ADAMTS20: variants seen among roughly 807,000 people sequenced by gnomAD.
ADAMTS20 encodes ADAM metallopeptidase with thrombospondin type 1 motif 20, also known as A disintegrin and metalloproteinase with thrombospondin motifs 20.
Under a neutral mutation model 260.1 loss-of-function variants are expected in ADAMTS20, and 225 were observed. That is an observed-to-expected ratio of 0.87 (90% CI 0.78 to 0.97). The LOEUF is 0.97. ADAMTS20 is among the 50% of genes least tolerant of loss of function. The pLI, the probability that ADAMTS20 is intolerant of heterozygous loss-of-function variation, is 0.00. For synonymous variants in ADAMTS20, 802 were observed against 769.5 expected, an observed-to-expected ratio of 1.04 and a Z score of -0.70; for missense variants, 2,400 against 2,337.7, an observed-to-expected ratio of 1.03 and a Z score of -0.55.
intron 29 of ADAMTS20, among the ~76,000 whole-genome samples, chr12:43,390,596 A>T (rs1006437159): frequency 3.3e-5 from 5 of 152,146 alleles, no homozygotes; most frequent in African/African-American, 4.8e-5. Flanking sequence ...TCCACAAAAC[A>T]CTGGAACATG....
intron 18 of ADAMTS20, among the ~76,000 whole-genome samples, chr12:43,437,063 G>A (rs1005292110): frequency 6.6e-6 from 1 of 152,030 alleles, no homozygotes; most frequent in African/African-American, 2.4e-5. Flanking sequence ...GACATTCTAG[G>A]AAAGCCTCTA....
chr12:43,501,052 A>ATTTT (rs1210649487), intron 4 of ADAMTS20, among the ~76,000 whole-genome samples: 1 of 60,258 alleles, frequency 1.7e-5, no homozygotes. Context: ...TGGCTATGTA[A>ATTTT]TTCTTTTTTT....
chr12:43,526,350 C>T (rs929536487), intron 3 of ADAMTS20, among the ~76,000 whole-genome samples: 2 of 151,928 alleles, frequency 1.3e-5, no homozygotes, highest in Admixed American at 6.6e-5. Flanking sequence ...CCCAGCTACT[C>T]GGGAGGCTGA....
At position 43,415,098 on chromosome 12, in the gene ADAMTS20, A is replaced by G. The variant is rs112894938; in HGVS notation, c.4284+10416T>C. Among the ~76,000 whole-genome samples, 6 of 152,320 alleles carry G rather than the reference A, an allele frequency of 3.9e-5. 1 individual carries two copies. Among genetic ancestry groups the G allele is most frequent in the African/African-American group, 1.2e-4 (5 of 41,574 alleles). ...AACGTAAATGAGTCTCAAGTACAGT[A>G]TCCTAACTGTCACAAATTTTCTAAG... On this transcript the variant is annotated intron_variant, in intron 28 of 38. Coordinates refer to ENST00000389420, the MANE Select transcript of ADAMTS20 (RefSeq NM_025003.5).
intron 28 of ADAMTS20, among the ~76,000 whole-genome samples, chr12:43,412,454 G>A (rs761200132): frequency 6.6e-6 from 1 of 152,182 alleles, no homozygotes; most frequent in South Asian, 2.1e-4. Flanking sequence ...AAATAACCTT[G>A]AAAGGAAAGC....
rs572409221 is a variant in ADAMTS20 at position 43,532,193 on chromosome 12, C to T, written c.456G>A (p.Thr152=). The change falls in exon 3 of 39, where the codon ACG becomes ACA. Residue 152 remains threonine, a splice_region_variant and synonymous_variant. Coordinates refer to ENST00000389420, the MANE Select transcript of ADAMTS20 (RefSeq NM_025003.5). Reference sequence around the variant, plus strand: ...CACCGTTCTGTCCTTTAAATGTTCCCGTCTGAAAATAAAGGAAACAAAAAT... The same window carrying T: ...CACCGTTCTGTCCTTTAAATGTTCCTGTCTGAAAATAAAGGAAACAAAAAT... The part of the protein sequence containing the change: ...KAVVSLCGGL[T]GTFKGQNGEY... 7 of 1,589,880 alleles carry T rather than the reference C, an allele frequency of 4.4e-6. No homozygotes were observed. The highest frequency in any genetic ancestry group is 3.4e-5 in the South Asian group (3 of 87,214).
chr12:43,364,471 G>C (rs1013418455), intron 37 of ADAMTS20, among the ~76,000 whole-genome samples: 5 of 152,084 alleles, frequency 3.3e-5, no homozygotes, highest in Non-Finnish European at 7.4e-5. Flanking sequence ...AAAAGTAAAA[G>C]GAGGTATGAT....
chr12:43,383,747 A>G lies in ADAMTS20; in HGVS notation c.4627-19T>C, dbSNP rs760193652. 3 of 1,613,690 alleles carry G rather than the reference A, an allele frequency of 1.9e-6. No individual in the cohort carries two copies. In the East Asian group the frequency reaches 6.7e-5, roughly 36 times the overall value. On this transcript the variant is annotated intron_variant, in intron 30 of 38. Transcript: ENST00000389420. ...TTGAACACTAGAAATGCAATAACCA[A>G]ATGAATAACACATTCTTATATGCAG...
At chr12:43,426,936 A>G (rs1362954087) in intron 27 of ADAMTS20, among the ~76,000 whole-genome samples, 1 of 152,170 alleles carries the variant, frequency 6.6e-6, no homozygotes, top group East Asian at 1.9e-4. Context: ...ATTAAAATAA[A>G]TTAGTCGGGA....
intron 28 of ADAMTS20, among the ~76,000 whole-genome samples, chr12:43,425,060 C>G (rs932856454): frequency 6.6e-6 from 1 of 152,104 alleles, no homozygotes; most frequent in Non-Finnish European, 1.5e-5. Context: ...ATACATAGCA[C>G]AGAATACTAT....
intron 2 of ADAMTS20, among the ~76,000 whole-genome samples, chr12:43,545,890 T>C (rs548916600): frequency 6.6e-6 from 1 of 152,298 alleles, no homozygotes; most frequent in East Asian, 1.9e-4. Context: ...TATCTTTGCA[T>C]CTGTCTCTTG....
rs535623169 is a variant in ADAMTS20, at chr12:43,399,121, T to A, written c.4397A>T (p.His1466Leu). The change falls in exon 29 of 39, where the codon CAC becomes CTC. Residue 1466 changes from histidine (H) to leucine (L), a missense_variant. Transcript: ENST00000389420. The part of the protein sequence containing the change: ...NCSQVQKPPT[H>L]KACRSVRCPS... The stretch of plus-strand genomic sequence containing the variant: ...GCATCTGACAGATCTACAGGCTTTG[T>A]GAGTTGGAGGTTTCTGTACTTGACT... 9.7e-6 allele frequency: 15 copies of A among 1,551,914 alleles called. No homozygotes were observed. Among genetic ancestry groups the A allele is most frequent in the Non-Finnish European group, 1.3e-5 (15 of 1,146,670 alleles).
intron 28 of ADAMTS20, among the ~76,000 whole-genome samples, chr12:43,402,543 T>A (rs192691709): frequency 2.0e-4 from 30 of 152,174 alleles, no homozygotes; most frequent in African/African-American, 6.7e-4. Flanking sequence ...GGACATGTTA[T>A]GCAAACAGTT....
At chr12:43,370,066 T>C (rs1157804958) in intron 36 of ADAMTS20, among the ~76,000 whole-genome samples, 1 of 152,162 alleles carries the variant, frequency 6.6e-6, no homozygotes, top group African/African-American at 2.4e-5. Flanking sequence ...AACCAAATCA[T>C]CTAGCCAGTG....
intron 4 of ADAMTS20, among the ~76,000 whole-genome samples, chr12:43,499,111 G>T (rs1942718723): frequency 6.6e-6 from 1 of 152,084 alleles, no homozygotes; most frequent in Non-Finnish European, 1.5e-5. Flanking sequence ...AAAACTCAAA[G>T]TATCTCAAAA....
At chr12:43,545,908 T>C (rs568535855) in intron 2 of ADAMTS20, among the ~76,000 whole-genome samples, 1 of 152,156 alleles carries the variant, frequency 6.6e-6, no homozygotes, top group Non-Finnish European at 1.5e-5. Context: ...TTGAAAGACC[T>C]GGACTAACAC....
chr12:43,535,708 A>G (rs991903831), intron 2 of ADAMTS20, among the ~76,000 whole-genome samples: 4 of 152,192 alleles, frequency 2.6e-5, no homozygotes, highest in Non-Finnish European at 5.9e-5. Flanking sequence ...TAATATCTTG[A>G]TAACTATATT....
At chr12:43,462,538 C>G (rs1011746842) in intron 11 of ADAMTS20, among the ~76,000 whole-genome samples, 2 of 152,028 alleles carry the variant, frequency 1.3e-5, no homozygotes, top group African/African-American at 4.8e-5. Context: ...AGGGAGAAAA[C>G]GTATGAAATG....
At chr12:43,443,073 G>A (rs547002894) in intron 16 of ADAMTS20, among the ~76,000 whole-genome samples, 1 of 152,222 alleles carries the variant, frequency 6.6e-6, no homozygotes, top group East Asian at 1.9e-4. Flanking sequence ...TCTTATTAAT[G>A]TACAGCAGAT....
Sources: gnomAD v4.1 joint callset for allele counts (sites outside exome capture counted in the v4.1 genomes callset) on GRCh38, gnomAD v4.1.1 for gene constraint, MANE v1.5 for transcripts, NCBI Gene and HGNC (gene_info 2026-07-23, HGNC 2026-07-21) for gene names.